The following ST8SIA5 variants were observed in gnomAD, a reference collection of about 807,000 sequenced individuals.
The protein encoded by ST8SIA5 is alpha-2,8-sialyltransferase 8E.
In ST8SIA5, 24 loss-of-function variants were observed where a neutral mutation model predicts 40.2. The observed-to-expected ratio is 0.60, with a 90% CI of 0.43 to 0.84. The LOEUF is 0.84. Ranked by LOEUF, ST8SIA5 falls within the 40% of genes least tolerant of loss-of-function variation. ST8SIA5 has a pLI of 0.00. For synonymous variants in ST8SIA5, 198 were observed against 201.8 expected, an observed-to-expected ratio of 0.98 and a Z score of 0.16; for missense variants, 465 against 498.5, an observed-to-expected ratio of 0.93 and a Z score of 0.64.
chr18:46,686,983 T>C (rs634070), intron 4 of ST8SIA5, among the ~76,000 whole-genome samples: 19,021 of 152,090 alleles, frequency 0.13, 1,770 homozygotes, highest in East Asian at 0.35. Context: ...GTCTCACAGA[T>C]AGGAGGCTGG....
chr18:46,748,361 C>T (rs957647440), intron 1 of ST8SIA5, among the ~76,000 whole-genome samples: 3 of 151,620 alleles, frequency 2.0e-5, no homozygotes, highest in Non-Finnish European at 4.4e-5. Flanking sequence ...ATTAGGAGTT[C>T]GAGACTAGTC....
intron 1 of ST8SIA5, among the ~76,000 whole-genome samples, chr18:46,707,960 A>G (rs1235908450): frequency 6.6e-6 from 1 of 152,196 alleles, no homozygotes; most frequent in Admixed American, 6.5e-5. Context: ...CACTCAGTCT[A>G]TGGTATTCTG....
rs2039313188 is a variant in ST8SIA5, at chr18:46,672,254, G to A, written c.*7788C>T. The A allele has an allele frequency of 6.6e-6, 1 of 152,134 alleles. No homozygotes were observed. The highest frequency in any genetic ancestry group is 2.4e-5 in the African/African-American group (1 of 41,406). 9.4% of individuals were successfully genotyped at this position (152,134 alleles called of 1,614,324 possible). A position where few individuals can be genotyped will look rare whatever the true frequency, so the allele number is the denominator to read the frequency against. ...CCAAGGCATAGACTGCCTGCCTTAGGGTAATGACTCCCAACCATGTGAGAC... is the reference window on the plus strand; with the variant it reads ...CCAAGGCATAGACTGCCTGCCTTAGAGTAATGACTCCCAACCATGTGAGAC... On this transcript the variant is annotated 3_prime_UTR_variant, in exon 7 of 7. Coordinates refer to ENST00000315087, the MANE Select transcript of ST8SIA5 (RefSeq NM_013305.6).
intron 1 of ST8SIA5, among the ~76,000 whole-genome samples, chr18:46,712,403 A>G (rs552384306): frequency 3.9e-5 from 6 of 152,186 alleles, no homozygotes; most frequent in African/African-American, 9.6e-5. Context: ...TCTCCACCCC[A>G]GTGCCAGGGA....
In ST8SIA5 at chr18:46,668,177, T is replaced by A. The variant is rs190290332; in HGVS notation, c.*11865A>T. The A allele has an allele frequency of 5.3e-5, 8 of 152,358 alleles. No homozygotes were observed. The highest frequency in any genetic ancestry group is 5.2e-4 in the Admixed American group (8 of 15,298). The allele number at this position is 152,358 out of a possible 1,614,324, so 9.4% of individuals were successfully genotyped here. On this transcript the variant is annotated 3_prime_UTR_variant, in exon 7 of 7. Coordinates refer to ENST00000315087, the MANE Select transcript of ST8SIA5 (RefSeq NM_013305.6). ...TTTCTCCACATCCCAGCAAAGGACA[T>A]CTCAGGCCTCCCTTCTCTTCTCCAT...
chr18:46,673,052 G>C lies in ST8SIA5; in HGVS notation c.*6990C>G, dbSNP rs1345260311. 1 of 152,176 alleles carries C rather than the reference G, an allele frequency of 6.6e-6. No individual in the cohort carries two copies. Among genetic ancestry groups the C allele is most frequent in the South Asian group, 2.1e-4 (1 of 4,822 alleles). 9.4% of individuals were successfully genotyped at this position (152,176 alleles called of 1,614,324 possible). ...TCATAGAGAAAGAAAGTAGAATTGC[G>C]ATTGCCAGGGGCTGGGGAAGGGGGA... On this transcript the variant is annotated 3_prime_UTR_variant, in exon 7 of 7. Transcript: ENST00000315087.
chr18:46,698,847 G>A (rs190097914), intron 2 of ST8SIA5, among the ~76,000 whole-genome samples: 1 of 152,206 alleles, frequency 6.6e-6, no homozygotes, highest in Non-Finnish European at 1.5e-5. Context: ...ATGCCTGACC[G>A]ATGGAGAGGC....
In ST8SIA5 at chr18:46,734,365, C is replaced by T. The variant is rs141928048; in HGVS notation, c.131+22013G>A. Among the ~76,000 whole-genome samples, 139 of 152,126 alleles carry T rather than the reference C, an allele frequency of 9.1e-4. 1 individual carries two copies. In the East Asian group the frequency reaches 0.02, roughly 22 times the overall value. On this transcript the variant is annotated intron_variant, in intron 1 of 6. Transcript: ENST00000315087. ...GGAGTATCTGGAGGGAGGAGAGGAA[C>T]GGAGAGACCCCCAACCCCTAGGCCG...
intron 1 of ST8SIA5, among the ~76,000 whole-genome samples, chr18:46,717,122 A>G (rs2039800295): frequency 6.6e-6 from 1 of 152,218 alleles, no homozygotes; most frequent in South Asian, 2.1e-4. Context: ...GGCCATCACC[A>G]TGAGGGCACC....
At chr18:46,721,692 C>A (rs921817141) in intron 1 of ST8SIA5, among the ~76,000 whole-genome samples, 42 of 152,178 alleles carry the variant, frequency 2.8e-4, no homozygotes, top group Non-Finnish European at 5.1e-4. Flanking sequence ...TCCATCTGTA[C>A]CAGCAGGGCT....
Position 46,671,367 on chromosome 18 carries a change from C to T in ST8SIA5, c.*8675G>A, listed in dbSNP as rs1255411837. Reference sequence around the variant, plus strand: ...TGCATAAAGAAGTGAGGCTCTAACCCTAGCTCCTGGGCTCACGGCAGTCCT... The same window carrying T: ...TGCATAAAGAAGTGAGGCTCTAACCTTAGCTCCTGGGCTCACGGCAGTCCT... On this transcript the variant is annotated 3_prime_UTR_variant, in exon 7 of 7. Coordinates refer to ENST00000315087, the MANE Select transcript of ST8SIA5 (RefSeq NM_013305.6). 6.7e-6 allele frequency: 1 copy of T among 148,478 alleles called. No individual in the cohort carries two copies. The highest frequency in any genetic ancestry group is 1.5e-5 in the Non-Finnish European group (1 of 67,368). 9.2% of individuals were successfully genotyped at this position (148,478 alleles called of 1,614,324 possible).
At position 46,673,710 on chromosome 18, in the gene ST8SIA5, C is replaced by T. The variant is rs924403776; in HGVS notation, c.*6332G>A. The T allele has an allele frequency of 5.3e-5, 8 of 151,918 alleles. No homozygotes were observed. The highest frequency in any genetic ancestry group is 1.0e-4 in the Non-Finnish European group (7 of 67,968). 9.4% of individuals were successfully genotyped at this position (151,918 alleles called of 1,614,324 possible). A position where few individuals can be genotyped will look rare whatever the true frequency, so the allele number is the denominator to read the frequency against. On this transcript the variant is annotated 3_prime_UTR_variant, in exon 7 of 7. Coordinates refer to ENST00000315087, the MANE Select transcript of ST8SIA5 (RefSeq NM_013305.6). ...CTATACTGTAGGTCTATCCAGTCTA[C>T]CCTTTGAAGATCACACTGTAGATCT...
In ST8SIA5 at chr18:46,756,504, C is replaced by A. The variant is rs745905472; in HGVS notation, c.5G>T (p.Arg2Leu). 6.2e-7 allele frequency: 1 copy of A among 1,612,306 alleles called. No homozygotes were observed. Residue 2 changes from arginine to leucine, a missense_variant, in exon 1 of 7, where the codon CGC (arginine) becomes CTC (leucine). Physicochemically the swap from Arg to Leu is moderately radical, Grantham distance 102 (BLOSUM62 -2). Transcript: ENST00000315087. The part of the protein sequence containing the change: M[R>L]YADPSANRDL... Reference sequence around the variant, plus strand: ...CCGGTTGGCCGAGGGGTCCGCGTAGCGCATCCTGGCTACCGGGCGCCGCGG... The same window carrying A: ...CCGGTTGGCCGAGGGGTCCGCGTAGAGCATCCTGGCTACCGGGCGCCGCGG...
At chr18:46,716,381 G>A (rs781668819) in intron 1 of ST8SIA5, among the ~76,000 whole-genome samples, 4 of 152,148 alleles carry the variant, frequency 2.6e-5, no homozygotes, top group Non-Finnish European at 4.4e-5. Context: ...TTTTCCTGTA[G>A]CTGGTGCTAC....
intron 1 of ST8SIA5, among the ~76,000 whole-genome samples, chr18:46,708,086 T>C (rs2039687135): frequency 1.3e-5 from 2 of 152,186 alleles, no homozygotes; most frequent in South Asian, 4.1e-4. Context: ...GAGCATTTCA[T>C]GGAATCCACT....
intron 1 of ST8SIA5, among the ~76,000 whole-genome samples, chr18:46,720,111 T>A (rs537034498): frequency 6.6e-6 from 1 of 152,272 alleles, no homozygotes; most frequent in Admixed American, 6.5e-5. Context: ...AGTGCTGGGA[T>A]TACGGGCATG....
At position 46,679,089 on chromosome 18, in the gene ST8SIA5, G is replaced by C. The variant is rs574985514; in HGVS notation, c.*953C>G. 3.2e-4 allele frequency: 49 copies of C among 152,378 alleles called. No individual in the cohort carries two copies. Among genetic ancestry groups the C allele is most frequent in the South Asian group, 1.2e-3 (6 of 4,826 alleles). The allele number at this position is 152,378 out of a possible 1,614,324, so 9.4% of individuals were successfully genotyped here. ...GCCTATGGTTCCGACTGAGGAACAC[G>C]ATACAGCAGGATTCTGCAGGATTCA... On this transcript the variant is annotated 3_prime_UTR_variant, in exon 7 of 7. Transcript: ENST00000315087.
In ST8SIA5 at chr18:46,729,920, T is replaced by G. The variant is rs1311528756; in HGVS notation, c.132-25256A>C. Among the ~76,000 whole-genome samples, 11 of 151,966 alleles carry G rather than the reference T, an allele frequency of 7.2e-5. No individual in the cohort carries two copies. In the East Asian group the frequency reaches 2.1e-3, roughly 30 times the overall value. On this transcript the variant is annotated intron_variant, in intron 1 of 6. Transcript: ENST00000315087. ...TGAGAGGACAGAAAATGCAGTGAAC[T>G]GGAGGAGGCCAGGCCAGGGTTCTAC...
chr18:46,706,804 G>A (rs2039674644), intron 1 of ST8SIA5, among the ~76,000 whole-genome samples: 1 of 152,190 alleles, frequency 6.6e-6, no homozygotes, highest in Non-Finnish European at 1.5e-5. Flanking sequence ...GGTTTTGCTG[G>A]TGCAGAATGT....
Sources: allele counts gnomAD v4.1 joint callset (sites outside exome capture counted in the v4.1 genomes callset), GRCh38; gene constraint gnomAD v4.1.1; transcripts MANE v1.5; gene names NCBI Gene and HGNC (gene_info 2026-07-23, HGNC 2026-07-21).